NELL1: variants seen among roughly 807,000 people sequenced by gnomAD.
The protein encoded by NELL1 is protein kinase C-binding protein NELL1.
NELL1 carries 76 observed loss-of-function variants against 107.4 expected under a neutral mutation model. The ratio of observed to expected loss-of-function variants is 0.71; its 90% CI spans 0.59 to 0.86. The LOEUF (loss-of-function observed/expected upper bound fraction) is 0.86. Ranked by LOEUF, NELL1 falls within the 40% of genes least tolerant of loss-of-function variation. The probability of loss-of-function intolerance (pLI) is 0.00; values close to 1 mark genes in which losing one functional copy is unlikely to be tolerated. For synonymous variants in NELL1, 353 were observed against 341.2 expected (o/e 1.03, Z -0.38); for missense variants, 1,024 against 1,005.5 (o/e 1.02, Z -0.25).
At chr11:20,783,006 A>G (rs1197067893) in intron 2 of NELL1, among the ~76,000 whole-genome samples, 1 of 152,316 alleles carries the variant, frequency 6.6e-6, no homozygotes, top group East Asian at 1.9e-4. Context: ...TAAATATTTC[A>G]TGAGGAAAGT....
chr11:21,463,165 C>T (rs1041164250), intron 15 of NELL1, among the ~76,000 whole-genome samples: 3 of 151,882 alleles, frequency 2.0e-5, no homozygotes, highest in African/African-American at 2.4e-5. Flanking sequence ...ACTAGATTAG[C>T]AATATGCCAA....
chr11:21,512,298 C>T (rs1222296984), intron 15 of NELL1, among the ~76,000 whole-genome samples: 1 of 152,112 alleles, frequency 6.6e-6, no homozygotes, highest in African/African-American at 2.4e-5. Flanking sequence ...ACACCTTATC[C>T]CACCTCTGTT....
chr11:20,731,643 A>G (rs1161794572), intron 2 of NELL1, among the ~76,000 whole-genome samples: 2 of 152,222 alleles, frequency 1.3e-5, no homozygotes, highest in African/African-American at 2.4e-5. Context: ...TTTGAATTCC[A>G]GACTTACAAT....
intron 16 of NELL1, among the ~76,000 whole-genome samples, chr11:21,549,894 G>A (rs553913795): frequency 4.0e-5 from 6 of 151,846 alleles, no homozygotes; most frequent in South Asian, 2.1e-4. Flanking sequence ...GAAATGACTG[G>A]GTGTTTTAGA....
intron 5 of NELL1, among the ~76,000 whole-genome samples, chr11:20,889,207 A>G (rs2134112820): frequency 6.6e-6 from 1 of 152,366 alleles, no homozygotes; most frequent in Admixed American, 6.5e-5. Flanking sequence ...GAATAGCAGA[A>G]CTCCAAAGAC....
In NELL1 at chr11:21,229,513, C is replaced by T. The variant is rs978018127; in HGVS notation, c.1549+59C>T. ...AGCCATTCTGCCTGGGCTCTTGGCA[C>T]TTGTGCGTCGGACCTTCTTGGTAAC... is the stretch of plus-strand genomic sequence containing the variant. On this transcript the variant is annotated intron_variant, in intron 14 of 19. Transcript: ENST00000357134. 9.3e-6 allele frequency: 15 copies of T among 1,606,230 alleles called. No individual in the cohort carries two copies. The African/African-American group carries it at 1.9e-4, about 20-fold the overall frequency.
chr11:21,080,451 TA>T (rs1396924652), intron 12 of NELL1, among the ~76,000 whole-genome samples: 4 of 152,146 alleles, frequency 2.6e-5, no homozygotes, highest in African/African-American at 9.6e-5. Flanking sequence ...TATATATTGT[TA>T]AATACCTCCT....
At chr11:20,721,061 T>G (rs761581327) in intron 2 of NELL1, among the ~76,000 whole-genome samples, 34 of 151,884 alleles carry the variant, frequency 2.2e-4, no homozygotes, top group Non-Finnish European at 4.0e-4. Context: ...ATGACAGCTT[T>G]AGCAAATGTT....
At chr11:20,742,407 C>G (rs1210648364) in intron 2 of NELL1, among the ~76,000 whole-genome samples, 1 of 152,104 alleles carries the variant, frequency 6.6e-6, no homozygotes, top group Non-Finnish European at 1.5e-5. Context: ...TCTTGGCTCC[C>G]ATGGGTCTAC....
At chr11:20,893,800 G>A (rs1344346731) in intron 5 of NELL1, among the ~76,000 whole-genome samples, 1 of 145,052 alleles carries the variant, frequency 6.9e-6, no homozygotes, top group Non-Finnish European at 1.5e-5. Context: ...GTTGTATATT[G>A]CTTACAGTGA....
intron 12 of NELL1, among the ~76,000 whole-genome samples, chr11:20,983,546 A>G (rs1851791177): frequency 6.6e-6 from 1 of 152,152 alleles, no homozygotes; most frequent in Non-Finnish European, 1.5e-5. Flanking sequence ...ACATAGTCAC[A>G]TATTTAGGAG....
At chr11:21,552,186 T>C (rs559016355) in intron 16 of NELL1, among the ~76,000 whole-genome samples, 102 of 150,104 alleles carry the variant, frequency 6.8e-4, no homozygotes, top group African/African-American at 2.5e-3. Flanking sequence ...TACCTAATGC[T>C]AAATGACGAG....
rs1041797716 is a variant in NELL1, at chr11:20,780,090, G to A, written c.185-3590G>A. Among the ~76,000 whole-genome samples the A allele has an allele frequency of 2.6e-5, 4 of 152,292 alleles. No individual in the cohort carries two copies. In the East Asian group the frequency reaches 7.7e-4, roughly 29 times the overall value. On this transcript the variant is annotated intron_variant, in intron 2 of 19. Coordinates refer to ENST00000357134, the MANE Select transcript of NELL1 (RefSeq NM_006157.5). Reference sequence around the variant, plus strand: ...ATAAAGCCTCAGTGTATCAAAACAGGTGTTTCTTACATTTCACTCTAGTGA... The same window carrying A: ...ATAAAGCCTCAGTGTATCAAAACAGATGTTTCTTACATTTCACTCTAGTGA...
At chr11:21,365,242 A>G (rs148052366) in intron 14 of NELL1, among the ~76,000 whole-genome samples, 263 of 152,246 alleles carry the variant, frequency 1.7e-3, no homozygotes, top group African/African-American at 6.2e-3. Context: ...TTTCATGACT[A>G]GTTGTAGACT....
chr11:21,356,459 C>CT (rs1850935791), intron 14 of NELL1, among the ~76,000 whole-genome samples: 1 of 152,088 alleles, frequency 6.6e-6, no homozygotes, highest in Non-Finnish European at 1.5e-5. Context: ...CCAGTAGACC[C>CT]ACTAGTAGCA....
rs534018262 is a variant in NELL1 at position 21,076,655 on chromosome 11, A to G, written c.1301-36934A>G. 9.8e-5 allele frequency among the ~76,000 whole-genome samples: 15 copies of G among 152,296 alleles called. 1 individual carries two copies. The South Asian group carries it at 3.1e-3, about 32-fold the overall frequency. On this transcript the variant is annotated intron_variant, in intron 12 of 19. Coordinates refer to ENST00000357134, the MANE Select transcript of NELL1 (RefSeq NM_006157.5). ...TTGTGCCCTGAAAACTCATGTTGAAATTTGATCCCCAGTGTTGGAGGTAGG... is the reference window on the plus strand; with the variant it reads ...TTGTGCCCTGAAAACTCATGTTGAAGTTTGATCCCCAGTGTTGGAGGTAGG...
chr11:21,354,422 G>A (rs1850884681), intron 14 of NELL1, among the ~76,000 whole-genome samples: 1 of 151,864 alleles, frequency 6.6e-6, no homozygotes, highest in Admixed American at 6.6e-5. Flanking sequence ...CTCTCATTGG[G>A]TGAAACTGGC....
At chr11:20,976,053 T>C (rs1851623941) in intron 12 of NELL1, among the ~76,000 whole-genome samples, 1 of 146,404 alleles carries the variant, frequency 6.8e-6, no homozygotes, top group South Asian at 2.1e-4. Flanking sequence ...CATTTATATA[T>C]ACATATATCT....
At chr11:21,309,468 AC>A (rs1019980438) in intron 14 of NELL1, among the ~76,000 whole-genome samples, 6 of 151,588 alleles carry the variant, frequency 4.0e-5, no homozygotes, top group African/African-American at 7.3e-5. Flanking sequence ...AGTTTACCTT[AC>A]CCCTTCCAAA....
Sources: allele counts gnomAD v4.1 joint callset (sites outside exome capture counted in the v4.1 genomes callset), GRCh38; gene constraint gnomAD v4.1.1; transcripts MANE v1.5; gene names NCBI Gene and HGNC (gene_info 2026-07-23, HGNC 2026-07-21).